Variants in SYN3 observed in about 807,000 individuals in gnomAD.
SYN3 encodes synapsin-3.
A neutral mutation model predicts 65.8 loss-of-function variants in SYN3; 35 were observed. The observed-to-expected ratio is 0.53, with a 90% CI of 0.41 to 0.70. The LOEUF is 0.70. SYN3 is among the 30% of genes least tolerant of loss of function. The pLI, the probability that SYN3 is intolerant of heterozygous loss-of-function variation, is 0.00. For synonymous variants in SYN3, 270 were observed against 292.9 expected, an observed-to-expected ratio of 0.92 and a Z score of 0.80; for missense variants, 680 against 749.0, an observed-to-expected ratio of 0.91 and a Z score of 1.08.
At chr22:32,679,437 C>T (rs1308246595) in intron 6 of SYN3, among the ~76,000 whole-genome samples, 4 of 152,238 alleles carry the variant, frequency 2.6e-5, no homozygotes, top group African/African-American at 9.6e-5. Flanking sequence ...CTGCAATGAA[C>T]ATGAGAGTGA....
chr22:32,651,558 G>T (rs1014744824), intron 6 of SYN3, among the ~76,000 whole-genome samples: 2 of 151,488 alleles, frequency 1.3e-5, no homozygotes, highest in Non-Finnish European at 3.0e-5. Flanking sequence ...AGCCTTGGAT[G>T]CATGCTTGAA....
At chr22:32,748,169 A>G (rs549852766) in intron 6 of SYN3, among the ~76,000 whole-genome samples, 1 of 152,334 alleles carries the variant, frequency 6.6e-6, no homozygotes, top group South Asian at 2.1e-4. Flanking sequence ...ACAAGGGCCT[A>G]ATATGAGTCT....
intron 3 of SYN3, among the ~76,000 whole-genome samples, chr22:32,975,933 T>G (rs2052171640): frequency 6.6e-6 from 1 of 152,230 alleles, no homozygotes; most frequent in Non-Finnish European, 1.5e-5. Context: ...AACTGTTTCT[T>G]GAAATATCAC....
At chr22:32,718,587 AT>A (rs1488727570) in intron 6 of SYN3, among the ~76,000 whole-genome samples, 1 of 151,974 alleles carries the variant, frequency 6.6e-6, no homozygotes, top group Non-Finnish European at 1.5e-5. Context: ...GTAACAATTG[AT>A]TTATATGTTC....
In SYN3 at chr22:32,508,567, T is replaced by C. The variant is rs936562446; in HGVS notation, c.*5125A>G. 6.6e-6 allele frequency among the ~76,000 whole-genome samples: 1 copy of C among 152,178 alleles called. No homozygotes were observed. The stretch of plus-strand genomic sequence containing the variant: ...CCTCCCATTCCTCTTCAGATTCAGT[T>C]TGGAAGAGGTCTTTTTGAGGTTGAA... On this transcript the variant is annotated 3_prime_UTR_variant, in exon 14 of 14. Coordinates refer to ENST00000358763, the MANE Select transcript of SYN3 (RefSeq NM_003490.4).
chr22:32,522,686 A>T (rs2057906600), intron 12 of SYN3, among the ~76,000 whole-genome samples: 3 of 152,220 alleles, frequency 2.0e-5, no homozygotes, highest in Admixed American at 2.0e-4. Context: ...AATTATTAGT[A>T]GTAAGAACTG....
Position 32,801,957 on chromosome 22 carries a change from T to G in SYN3, c.711+62958A>C. ...CCCGCCGGCGGCGCGCACGGCAACT[T>G]TGGAGAGGCGAGCAGCAGCCCCGGC... On this transcript the variant is annotated intron_variant, in intron 6 of 13. Coordinates refer to ENST00000358763, the MANE Select transcript of SYN3 (RefSeq NM_003490.4). The surrounding 1 kb of genome is among the most constrained non-coding windows in gnomAD (Gnocchi z 4.7). 1 of 1,564,344 alleles carries G rather than the reference T, an allele frequency of 6.4e-7. No homozygotes were observed.
chr22:32,696,477 A>G (rs2060738318), intron 6 of SYN3, among the ~76,000 whole-genome samples: 1 of 152,112 alleles, frequency 6.6e-6, no homozygotes, highest in Non-Finnish European at 1.5e-5. Flanking sequence ...TTTCTGTTAT[A>G]TTTTCATTCT....
At chr22:32,925,027 G>A (rs1232705242) in intron 4 of SYN3, among the ~76,000 whole-genome samples, 3 of 152,148 alleles carry the variant, frequency 2.0e-5, no homozygotes, top group Non-Finnish European at 4.4e-5. Context: ...AGGAGGTTGA[G>A]GCTGCAGTGA....
At chr22:32,974,598 C>T (rs2052125261) in intron 3 of SYN3, among the ~76,000 whole-genome samples, 1 of 152,108 alleles carries the variant, frequency 6.6e-6, no homozygotes, top group Admixed American at 6.5e-5. Flanking sequence ...AACCCCCTTC[C>T]AGAGCAACAC....
chr22:32,987,857 T>G (rs2052574185), intron 2 of SYN3, among the ~76,000 whole-genome samples: 1 of 152,194 alleles, frequency 6.6e-6, no homozygotes, highest in African/African-American at 2.4e-5. Context: ...TAGTCCTTGT[T>G]CTTGGAGAGC....
chr22:32,926,669 T>C (rs2050481501), intron 4 of SYN3, among the ~76,000 whole-genome samples: 1 of 152,240 alleles, frequency 6.6e-6, no homozygotes, highest in African/African-American at 2.4e-5. Flanking sequence ...ATGTCTTGAA[T>C]GGAAAACATT....
In SYN3 at chr22:32,513,429, G is replaced by A. The variant is rs56413761; in HGVS notation, c.*263C>T. On this transcript the variant is annotated 3_prime_UTR_variant, in exon 14 of 14. Transcript: ENST00000358763. ...TAAGCAGGCACGTGGGTAGGCAGAG[G>A]GTGTGATGCCCATCGCTCAGGCCTG... 14,163 of 340,534 alleles carry A rather than the reference G, an allele frequency of 0.042. 375 individuals carry two copies. Among genetic ancestry groups the A allele is most frequent in the Non-Finnish European group, 0.052 (9,819 of 187,620 alleles). The allele number at this position is 340,534 out of a possible 1,614,324, so 21.1% of individuals were successfully genotyped here. A position where few individuals can be genotyped will look rare whatever the true frequency, so the allele number is the denominator to read the frequency against.
intron 6 of SYN3, among the ~76,000 whole-genome samples, chr22:32,672,677 C>A (rs1409012486): frequency 6.6e-6 from 1 of 152,206 alleles, no homozygotes. Flanking sequence ...CACCTTCCTG[C>A]GTGGGAACCC....
chr22:33,051,810 T>C (rs1051235621), intron 1 of SYN3, among the ~76,000 whole-genome samples: 3 of 152,144 alleles, frequency 2.0e-5, no homozygotes, highest in Non-Finnish European at 4.4e-5. Flanking sequence ...CGGAGTGCTC[T>C]AGAGGGAGCT....
At chr22:32,714,605 C>G (rs1351400997) in intron 6 of SYN3, among the ~76,000 whole-genome samples, 1 of 151,512 alleles carries the variant, frequency 6.6e-6, no homozygotes, top group African/African-American at 2.4e-5. Flanking sequence ...TCTGGCAACT[C>G]TAGATAACTA....
intron 4 of SYN3, among the ~76,000 whole-genome samples, chr22:32,878,150 G>T (rs2049030099): frequency 6.6e-6 from 1 of 152,140 alleles, no homozygotes; most frequent in African/African-American, 2.4e-5. Flanking sequence ...CCACCACCCT[G>T]AACCTCTCAT....
At chr22:32,521,356 T>C (rs1331768597) in intron 12 of SYN3, among the ~76,000 whole-genome samples, 1 of 152,018 alleles carries the variant, frequency 6.6e-6, no homozygotes, top group East Asian at 1.9e-4. Context: ...GGACAGTTGC[T>C]GTATAGAAAC....
chr22:32,728,592 A>G (rs922562510), intron 6 of SYN3, among the ~76,000 whole-genome samples: 2 of 152,226 alleles, frequency 1.3e-5, no homozygotes, highest in Non-Finnish European at 2.9e-5. Flanking sequence ...GAGACTTGGT[A>G]TAGGTGGATT....
Sources: gnomAD v4.1 joint callset for allele counts (sites outside exome capture counted in the v4.1 genomes callset) on GRCh38, gnomAD v4.1.1 for gene constraint, Gnocchi (gnomAD v3.1) non-coding constraint, MANE v1.5 for transcripts, NCBI Gene and HGNC (gene_info 2026-07-23, HGNC 2026-07-21) for gene names.